The following MBNL3 variants were observed in gnomAD, a reference collection of about 807,000 sequenced individuals.
The protein encoded by MBNL3 is muscleblind-like protein 3.
A neutral mutation model predicts 24.5 loss-of-function variants in MBNL3; 6 were observed. That is an observed-to-expected ratio of 0.25 (90% CI 0.13 to 0.48). The LOEUF (loss-of-function observed/expected upper bound fraction) is 0.48, where lower values mean the gene tolerates loss of function less well. Ranked by LOEUF, MBNL3 falls within the 20% of genes least tolerant of loss-of-function variation. The pLI is 0.99. For synonymous variants in MBNL3, 100 were observed against 101.7 expected (o/e 0.98, Z 0.10); for missense variants, 230 against 293.5 (o/e 0.78, Z 1.58).
At chrX:132,386,936 G>A in intron 5 of MBNL3, 125 bp from the exon 6 acceptor site, 1 of 773,903 alleles carries the variant, frequency 1.3e-6, no homozygotes, top group Non-Finnish European at 1.9e-6. Flanking sequence ...GCAAGACACT[G>A]GATAAGCAGT....
At chrX:132,417,987 G>C (rs180826787) in intron 2 of MBNL3, among the ~76,000 whole-genome samples, 1 of 111,514 alleles carries the variant, frequency 9.0e-6, no homozygotes, top group East Asian at 2.8e-4. Flanking sequence ...TGGTATACTA[G>C]ACTCTTGCAT....
chrX:132,408,526 G>A (rs903620843), intron 2 of MBNL3, among the ~76,000 whole-genome samples: 7 of 111,600 alleles, frequency 6.3e-5, no homozygotes, highest in African/African-American at 2.3e-4. Context: ...TTACAATTGA[G>A]TTTTAATATC....
At chrX:132,458,633 T>C (rs1946492349) in intron 1 of MBNL3, among the ~76,000 whole-genome samples, 1 of 111,147 alleles carries the variant, frequency 9.0e-6, no homozygotes, top group Non-Finnish European at 1.9e-5. Flanking sequence ...CCAGTCTTAC[T>C]AGAACTGCAT....
In MBNL3 at chrX:132,371,528, C is replaced by T. The variant is rs1231850490; in HGVS notation, c.*8138G>A. 2 of 111,746 alleles carry T rather than the reference C, an allele frequency of 1.8e-5. No individual in the cohort carries two copies. Among genetic ancestry groups the T allele is most frequent in the African/African-American group, 6.5e-5 (2 of 30,790 alleles). 9.2% of individuals were successfully genotyped at this position (111,746 alleles called of 1,213,427 possible). A position where few individuals can be genotyped will look rare whatever the true frequency, so the allele number is the denominator to read the frequency against. On this transcript the variant is annotated 3_prime_UTR_variant, in exon 9 of 9. Transcript: ENST00000370853. ...TTTTAATGGAAAAATTCATGCATCTCATTGTTATGAAATGATTGATGCCCA... is the reference window on the plus strand; with the variant it reads ...TTTTAATGGAAAAATTCATGCATCTTATTGTTATGAAATGATTGATGCCCA...
At chrX:132,430,530 ATGACACTTT>A (rs1444460229) in intron 2 of MBNL3, 1 of 111,909 alleles carries the variant, frequency 8.9e-6, no homozygotes, top group East Asian at 2.8e-4. Flanking sequence ...TTTCATGACC[ATGACACTTT>A]GGATGAGTAC....
chrX:132,425,708 A>G (rs1944248889), intron 2 of MBNL3, among the ~76,000 whole-genome samples: 1 of 111,701 alleles, frequency 9.0e-6, no homozygotes, highest in African/African-American at 3.3e-5. Flanking sequence ...CAAGCTACCC[A>G]TCTGCTGTAA....
At chrX:132,481,045 CA>C (rs1947704636) in intron 1 of MBNL3, among the ~76,000 whole-genome samples, 2 of 111,858 alleles carry the variant, frequency 1.8e-5, no homozygotes, top group Non-Finnish European at 3.8e-5. Flanking sequence ...ATGGAAAACA[CA>C]GCTACTTTTG....
intron 2 of MBNL3, among the ~76,000 whole-genome samples, chrX:132,418,429 ATAAC>A (rs1943496056): frequency 8.9e-6 from 1 of 112,014 alleles, no homozygotes; most frequent in South Asian, 3.7e-4. Context: ...CCAAGCTGAC[ATAAC>A]TAATAAGTAG....
At chrX:132,414,223 C>T (rs1229612253) in intron 2 of MBNL3, among the ~76,000 whole-genome samples, 1 of 112,299 alleles carries the variant, frequency 8.9e-6, no homozygotes, top group Non-Finnish European at 1.9e-5. Flanking sequence ...CCTCACATTA[C>T]AATTGTGAAC....
chrX:132,447,999 T>C (rs1251147091), intron 1 of MBNL3, among the ~76,000 whole-genome samples: 1 of 112,411 alleles, frequency 8.9e-6, no homozygotes, highest in East Asian at 2.8e-4. Context: ...TCTGCATCTA[T>C]TGAGATAATC....
intron 1 of MBNL3, among the ~76,000 whole-genome samples, chrX:132,451,226 G>A (rs1946091450): frequency 8.9e-6 from 1 of 112,766 alleles, no homozygotes; most frequent in South Asian, 3.6e-4. Flanking sequence ...TCTCTTCAGA[G>A]CCAGCAGGCA....
At chrX:132,487,962 G>A (rs1477716803) in intron 1 of MBNL3, among the ~76,000 whole-genome samples, 1 of 111,588 alleles carries the variant, frequency 9.0e-6, no homozygotes, top group East Asian at 2.8e-4. Flanking sequence ...TCACCCAAAC[G>A]TTTATTCACT....
chrX:132,419,260 A>G (rs1399660511), intron 2 of MBNL3, among the ~76,000 whole-genome samples: 1 of 112,333 alleles, frequency 8.9e-6, no homozygotes, highest in African/African-American at 3.2e-5. Context: ...ATAAACGGCC[A>G]TGACTTGACA....
At chrX:132,481,455 A>C (rs1480589458) in intron 1 of MBNL3, among the ~76,000 whole-genome samples, 1 of 112,240 alleles carries the variant, frequency 8.9e-6, no homozygotes, top group Non-Finnish European at 1.9e-5. Flanking sequence ...ATATATATTC[A>C]GAACCACAAT....
rs751956838 is a variant in MBNL3, at chrX:132,488,515, C to G, written c.-704+336G>C. Among the ~76,000 whole-genome samples the G allele has an allele frequency of 1.5e-3, 169 of 111,157 alleles. 3 individuals are homozygous for G. The highest frequency in any genetic ancestry group is 5.2e-3 in the African/African-American group (159 of 30,541). On this transcript the variant is annotated intron_variant, in intron 1 of 8. Transcript: ENST00000370853. The stretch of plus-strand genomic sequence containing the variant: ...TGCAAGGAAGCTGTGGCACTGCTCA[C>G]GATATCGCGTGAAAATGGGGAAATT...
intron 2 of MBNL3, among the ~76,000 whole-genome samples, chrX:132,423,388 T>C (rs1324539763): frequency 1.8e-5 from 2 of 111,331 alleles, no homozygotes; most frequent in Non-Finnish European, 3.8e-5. Context: ...CTCACACCTT[T>C]ACTCACTACA....
Position 132,399,915 on chromosome X carries a change from C to T in MBNL3, c.342+6313G>A, listed in dbSNP as rs746628764. On this transcript the variant is annotated intron_variant, in intron 3 of 8. Transcript: ENST00000370853. ...CTGGCTGTAGCTTACACTGTGACCA[C>T]GAACAGTGAAGCTCACAGGCCACCA... is the stretch of plus-strand genomic sequence containing the variant. Among the ~76,000 whole-genome samples the T allele has an allele frequency of 6.3e-5, 7 of 110,955 alleles. No homozygotes were observed. The South Asian group carries it at 1.1e-3, about 18-fold the overall frequency.
At chrX:132,486,009 T>C (rs1603275591) in intron 1 of MBNL3, among the ~76,000 whole-genome samples, 2 of 112,278 alleles carry the variant, frequency 1.8e-5, no homozygotes, top group Admixed American at 1.9e-4. Context: ...TTACAGACAC[T>C]TGATAATGTT....
rs780741540 is a variant in MBNL3, at chrX:132,475,417, A to G, written c.-704+13434T>C. ...CCCAAATGATGAAGCAAGACAGAGAAGAAATGATTGTGTGTTGGGGGGTGT... is the reference window on the plus strand; with the variant it reads ...CCCAAATGATGAAGCAAGACAGAGAGGAAATGATTGTGTGTTGGGGGGTGT... On this transcript the variant is annotated intron_variant, in intron 1 of 8. Transcript: ENST00000370853. 3.6e-5 allele frequency among the ~76,000 whole-genome samples: 4 copies of G among 112,310 alleles called. No individual in the cohort carries two copies. The South Asian group carries it at 1.5e-3, about 42-fold the overall frequency.
Sources: allele counts gnomAD v4.1 joint callset (sites outside exome capture counted in the v4.1 genomes callset), GRCh38; gene constraint gnomAD v4.1.1; transcripts MANE v1.5; gene names NCBI Gene and HGNC (gene_info 2026-07-23, HGNC 2026-07-21).